The following VAV3 variants were observed in gnomAD, a reference collection of about 807,000 sequenced individuals.
VAV3 encodes the protein vav guanine nucleotide exchange factor 3.
A neutral mutation model predicts 131.2 loss-of-function variants in VAV3; 94 were observed. The observed-to-expected ratio is 0.72, with a 90% CI of 0.61 to 0.85. VAV3 has a LOEUF of 0.85. Ranked by LOEUF, VAV3 falls within the 40% of genes least tolerant of loss-of-function variation. VAV3 has a pLI of 0.00. For synonymous variants in VAV3, 349 were observed against 342.0 expected, an observed-to-expected ratio of 1.02 and a Z score of -0.22; for missense variants, 939 against 1,002.7, an observed-to-expected ratio of 0.94 and a Z score of 0.86.
chr1:107,874,814 A>T, intron 2 of VAV3, 87 bp downstream of exon 2: 1 of 1,199,046 alleles, frequency 8.3e-7, no homozygotes, highest in Non-Finnish European at 1.2e-6. Context: ...TAAACCACTT[A>T]AGTCACATGC....
At chr1:107,663,975 C>A (rs1196631329) in intron 19 of VAV3, among the ~76,000 whole-genome samples, 4 of 152,064 alleles carry the variant, frequency 2.6e-5, no homozygotes, top group African/African-American at 9.7e-5. Flanking sequence ...TATGGGCTCA[C>A]CAATACTCAA....
At chr1:107,790,951 G>T (rs993854941) in intron 2 of VAV3, among the ~76,000 whole-genome samples, 10 of 152,028 alleles carry the variant, frequency 6.6e-5, no homozygotes, top group Non-Finnish European at 1.2e-4. Context: ...CTCCCAAACT[G>T]CTGGGATTAC....
At chr1:107,922,270 G>C (rs1672934063) in intron 1 of VAV3, among the ~76,000 whole-genome samples, 1 of 120,066 alleles carries the variant, frequency 8.3e-6, no homozygotes, top group South Asian at 3.3e-4. Context: ...ACCTCCATAA[G>C]GAGGAAATTA....
chr1:107,700,473 C>A (rs1180019054), intron 17 of VAV3, among the ~76,000 whole-genome samples: 2 of 152,098 alleles, frequency 1.3e-5, no homozygotes, highest in East Asian at 1.9e-4. Flanking sequence ...TGCTTACAGA[C>A]CCCAGTGTGT....
chr1:107,828,729 G>A (rs569543329), intron 2 of VAV3, among the ~76,000 whole-genome samples: 1 of 151,848 alleles, frequency 6.6e-6, no homozygotes, highest in East Asian at 1.9e-4. Context: ...GATTACATTG[G>A]GCCCACCCAG....
At chr1:107,577,761 C>T (rs988091318) in intron 25 of VAV3, among the ~76,000 whole-genome samples, 2 of 152,184 alleles carry the variant, frequency 1.3e-5, no homozygotes, top group African/African-American at 2.4e-5. Context: ...TTTCCTGGAA[C>T]AGAGATGACC....
At chr1:107,907,449 A>G (rs1275496034) in intron 1 of VAV3, among the ~76,000 whole-genome samples, 1 of 152,202 alleles carries the variant, frequency 6.6e-6, no homozygotes, top group African/African-American at 2.4e-5. Context: ...TATAACTGCT[A>G]TCATTTAAAT....
intron 15 of VAV3, among the ~76,000 whole-genome samples, chr1:107,726,549 A>G (rs1448803544): frequency 6.7e-6 from 1 of 149,916 alleles, no homozygotes; most frequent in Non-Finnish European, 1.5e-5. Context: ...AACATCAAAA[A>G]GCCTTCTTCA....
At chr1:107,625,299 C>T (rs1213618815) in intron 20 of VAV3, among the ~76,000 whole-genome samples, 1 of 151,570 alleles carries the variant, frequency 6.6e-6, no homozygotes, top group Non-Finnish European at 1.5e-5. Context: ...CACTCTGCTG[C>T]CCAGGCTGGA....
At chr1:107,940,238 G>A (rs764505030) in intron 1 of VAV3, among the ~76,000 whole-genome samples, 13 of 152,154 alleles carry the variant, frequency 8.5e-5, no homozygotes, top group Non-Finnish European at 1.0e-4. Context: ...TTGAGTCAAC[G>A]TTATCTCAAA....
chr1:107,822,665 T>A (rs909395993), intron 2 of VAV3, among the ~76,000 whole-genome samples: 2 of 46,058 alleles, frequency 4.3e-5, no homozygotes, highest in African/African-American at 2.4e-4. Context: ...AAAAAATAAA[T>A]AAATAAATAA....
chr1:107,591,435 A>AAATGAATG (rs964845388), intron 25 of VAV3, among the ~76,000 whole-genome samples: 1 of 150,466 alleles, frequency 6.6e-6, no homozygotes, highest in Non-Finnish European at 1.5e-5. Context: ...ATGAATGAAT[A>AAATGAATG]AATGAATGAA....
At chr1:107,863,996 G>A (rs1191328554) in intron 2 of VAV3, among the ~76,000 whole-genome samples, 1 of 151,948 alleles carries the variant, frequency 6.6e-6, no homozygotes, top group African/African-American at 2.4e-5. Flanking sequence ...AAATTTTAAG[G>A]GAATGTCAAT....
chr1:107,668,947 T>A (rs2101660981), intron 19 of VAV3: 1 of 988,724 alleles, frequency 1.0e-6, no homozygotes, highest in South Asian at 4.6e-5. Context: ...TTTATTTGAA[T>A]TCTCTTCAAC....
chr1:107,958,628 AT>A (rs768505624), intron 1 of VAV3, among the ~76,000 whole-genome samples: 6 of 144,680 alleles, frequency 4.1e-5, no homozygotes, highest in East Asian at 4.0e-4. Flanking sequence ...AATTTTACTT[AT>A]TTTTTTTTAT....
chr1:107,876,087 A>T (rs1261040244), intron 1 of VAV3, among the ~76,000 whole-genome samples: 1 of 152,194 alleles, frequency 6.6e-6, no homozygotes, highest in Non-Finnish European at 1.5e-5. Context: ...AGTCTTAGTA[A>T]GAGTGACCAG....
chr1:107,893,222 C>T (rs1347754747), intron 1 of VAV3, among the ~76,000 whole-genome samples: 1 of 152,074 alleles, frequency 6.6e-6, no homozygotes, highest in Non-Finnish European at 1.5e-5. Flanking sequence ...TATATAATAA[C>T]ATTTAAAATT....
chr1:107,586,402 GCAA>G (rs1650498875), intron 25 of VAV3, among the ~76,000 whole-genome samples: 1 of 152,158 alleles, frequency 6.6e-6, no homozygotes, highest in Non-Finnish European at 1.5e-5. Context: ...TGGTGAAGAT[GCAA>G]CAACTAAACA....
chr1:107,790,862 ATT>A (rs527489306), intron 2 of VAV3, among the ~76,000 whole-genome samples: 289 of 151,210 alleles, frequency 1.9e-3, no homozygotes, highest in African/African-American at 6.9e-3. Flanking sequence ...TAATTTTTGT[ATT>A]TTTACTAGAG....
Sources: allele counts gnomAD v4.1 joint callset (sites outside exome capture counted in the v4.1 genomes callset), GRCh38; gene constraint gnomAD v4.1.1; transcripts MANE v1.5; gene names NCBI Gene and HGNC (gene_info 2026-07-23, HGNC 2026-07-21).